Variants in ICMT observed in about 807,000 individuals in gnomAD.
ICMT encodes protein-S-isoprenylcysteine O-methyltransferase.
In ICMT, 10 loss-of-function variants were observed where a neutral mutation model predicts 32.2. The ratio of observed to expected loss-of-function variants is 0.31; its 90% CI spans 0.19 to 0.53. The LOEUF is 0.53. ICMT is among the 20% of genes least tolerant of loss of function. The pLI is 0.96. For missense variants in ICMT, 265 were observed against 356.9 expected (o/e 0.74, Z 2.07); for synonymous variants, 183 against 158.2 (o/e 1.16, Z -1.18).
Position 6,233,044 on chromosome 1 carries a change from C to T in ICMT, c.454+430G>A, listed in dbSNP as rs142142039. ...GGCTTTTTTGTATTTTTAGTAGAGA[C>T]GGGGTTTCACCATATTGGCCAGGCT... On this transcript the variant is annotated intron_variant, in intron 3 of 4. Coordinates refer to ENST00000343813, the MANE Select transcript of ICMT (RefSeq NM_012405.4). 6.7e-4 allele frequency among the ~76,000 whole-genome samples: 102 copies of T among 151,970 alleles called. 1 individual carries two copies. The East Asian group carries it at 0.019, about 28-fold the overall frequency.
intron 4 of ICMT, 127 bp downstream of exon 4, chr1:6,231,775 C>G: frequency 1.6e-6 from 1 of 625,470 alleles, no homozygotes; most frequent in Non-Finnish European, 2.7e-6. Context: ...CCAACAACCT[C>G]ATGAATACAC....
In ICMT at chr1:6,224,327, C is replaced by T. The variant is rs1020482036; in HGVS notation, c.*753G>A. 6.6e-6 allele frequency: 1 copy of T among 152,150 alleles called. No individual in the cohort carries two copies. The highest frequency in any genetic ancestry group is 2.4e-5 in the African/African-American group (1 of 41,418). The allele number at this position is 152,150 out of a possible 1,614,324, so 9.4% of individuals were successfully genotyped here. A position where few individuals can be genotyped will look rare whatever the true frequency, so the allele number is the denominator to read the frequency against. On this transcript the variant is annotated 3_prime_UTR_variant, in exon 5 of 5. Transcript: ENST00000343813. ...CACTGACAACAGGAGCTGAGACCCCCGGGAAAGCCAGCCAGGGCCATGATC... is the reference window on the plus strand; with the variant it reads ...CACTGACAACAGGAGCTGAGACCCCTGGGAAAGCCAGCCAGGGCCATGATC...
intron 2 of ICMT, 109 bp downstream of exon 2, chr1:6,234,777 A>G: frequency 1.2e-6 from 1 of 844,158 alleles, no homozygotes. Context: ...GAGAACCCTG[A>G]ACAGCCTTCT....
chr1:6,233,675 G>T (rs555550881), intron 2 of ICMT, 32 bp from the exon 3 acceptor site: 1 of 1,584,920 alleles, frequency 6.3e-7, no homozygotes, highest in Admixed American at 1.7e-5. Context: ...GTTAAGTTGG[G>T]ACAAGAGAAC....
At position 6,232,134 on chromosome 1, in the gene ICMT, C is replaced by T; in HGVS notation, c.455-15G>A. On this transcript the variant is annotated splice_polypyrimidine_tract_variant and intron_variant, in intron 3 of 4. Transcript: ENST00000343813. Reference sequence around the variant, plus strand: ...CTGCTTCAGTTCTGTGGGAGAGAGACATCAACGACACACGGGGAGTGAAAA... The same window carrying T: ...CTGCTTCAGTTCTGTGGGAGAGAGATATCAACGACACACGGGGAGTGAAAA... 1 of 1,599,290 alleles carries T rather than the reference C, an allele frequency of 6.3e-7. No homozygotes were observed. The highest frequency in any genetic ancestry group is 8.6e-7 in the Non-Finnish European group (1 of 1,167,924).
At chr1:6,233,791 C>A (rs1668773195) in intron 2 of ICMT, 148 bp from the exon 3 acceptor site, 1 of 610,488 alleles carries the variant, frequency 1.6e-6, no homozygotes, top group Non-Finnish European at 2.8e-6. Context: ...TCTGCAGCAT[C>A]TACTACCTCA....
At chr1:6,231,716 A>T (rs919772624) in intron 4 of ICMT, among the ~76,000 whole-genome samples, 186 bp downstream of exon 4, 8 of 152,172 alleles carry the variant, frequency 5.3e-5, no homozygotes, top group African/African-American at 1.9e-4. Context: ...TTATTAAATT[A>T]TCACTTGAAA....
Position 6,233,614 on chromosome 1 carries a change from T to A in ICMT, c.314A>T (p.Tyr105Phe), listed in dbSNP as rs200236217. The change falls in exon 3 of 5, where the codon TAT becomes TTT. Residue 105 changes from tyrosine to phenylalanine, a missense_variant. Coordinates refer to ENST00000343813, the MANE Select transcript of ICMT (RefSeq NM_012405.4). ...WYMCSLSLFH[Y>F]SEYLVTAVNN... ...GACTGCTGTCACCAAGTATTCAGAA[T>A]AGTGGAACAATGACAGGGAGCACAT... The A allele has an allele frequency of 8.6e-5, 139 of 1,613,236 alleles. 1 individual carries two copies. In the East Asian group the frequency reaches 2.3e-3, roughly 27 times the overall value.
In ICMT at chr1:6,225,174, G is replaced by A. The variant is rs537892201; in HGVS notation, c.761C>T (p.Ser254Leu). 2 of 1,614,132 alleles carry A rather than the reference G, an allele frequency of 1.2e-6. No homozygotes were observed. The highest frequency in any genetic ancestry group is 8.5e-7 in the Non-Finnish European group (1 of 1,180,016). Reference sequence around the variant, plus strand: ...CTCCTCTCCAAAAAAGTGAATTAGTGAGATTTCTTCTTCTTCTGTTCGATC... The same window carrying A: ...CTCCTCTCCAAAAAAGTGAATTAGTAAGATTTCTTCTTCTTCTGTTCGATC... ...FRDRTEEEEISLIHFFGEEYL... is the reference protein window; with the variant it reads ...FRDRTEEEEILLIHFFGEEYL... Residue 254 changes from serine to leucine, a missense_variant, in exon 5 of 5, where the codon TCA becomes TTA. Physicochemically the swap from Ser to Leu is moderately radical, Grantham distance 145. Coordinates refer to ENST00000343813, the MANE Select transcript of ICMT (RefSeq NM_012405.4).
chr1:6,235,258 A>C (rs934879220), intron 1 of ICMT, among the ~76,000 whole-genome samples: 2 of 152,212 alleles, frequency 1.3e-5, no homozygotes, highest in Non-Finnish European at 2.9e-5. Context: ...CACGTAAAAC[A>C]CTTAAGACTA....
At chr1:6,228,865 T>G (rs970861995) in intron 4 of ICMT, among the ~76,000 whole-genome samples, 2 of 149,224 alleles carry the variant, frequency 1.3e-5, no homozygotes, top group Non-Finnish European at 3.0e-5. Context: ...CTACTAAACC[T>G]ACTAAAAATA....
intron 4 of ICMT, among the ~76,000 whole-genome samples, chr1:6,226,959 T>C (rs1668653942): frequency 6.6e-6 from 1 of 152,226 alleles, no homozygotes; most frequent in African/African-American, 2.4e-5. Flanking sequence ...CTCCGGGGCC[T>C]GTACCCTCAC....
At chr1:6,235,428 C>A (rs1243812190) in intron 1 of ICMT, among the ~76,000 whole-genome samples, 2 of 152,204 alleles carry the variant, frequency 1.3e-5, no homozygotes. Context: ...TGAGACAGGG[C>A]AGCAGGTAGG....
At chr1:6,233,958 C>G (rs956356881) in intron 2 of ICMT, among the ~76,000 whole-genome samples, 1 of 152,194 alleles carries the variant, frequency 6.6e-6, no homozygotes, top group African/African-American at 2.4e-5. Context: ...AAGCGATTCT[C>G]CTGCCTCAGC....
intron 4 of ICMT, among the ~76,000 whole-genome samples, chr1:6,226,632 G>A (rs1668649252): frequency 6.6e-6 from 1 of 152,170 alleles, no homozygotes; most frequent in African/African-American, 2.4e-5. Flanking sequence ...CTCTTATTGA[G>A]CACTTACTAT....
At chr1:6,225,328 GTCTGTC>G in intron 4 of ICMT, 66 bp from the exon 5 acceptor site, 1 of 1,473,958 alleles carries the variant, frequency 6.8e-7, no homozygotes, top group Admixed American at 1.8e-5. Flanking sequence ...TTTGGTAGGC[GTCTGTC>G]TCTAATACCC....
At chr1:6,232,499 T>G (rs1262329970) in intron 3 of ICMT, among the ~76,000 whole-genome samples, 1 of 152,212 alleles carries the variant, frequency 6.6e-6, no homozygotes. Flanking sequence ...CCACATGTAT[T>G]TCATTTCATT....
chr1:6,233,744 C>A, intron 2 of ICMT, 101 bp from the exon 3 acceptor site: 1 of 876,334 alleles, frequency 1.1e-6, no homozygotes. Flanking sequence ...CTATGAGGCC[C>A]TGTTCTCACC....
At chr1:6,229,781 A>AC (rs1557601939) in intron 4 of ICMT, among the ~76,000 whole-genome samples, 2 of 76,212 alleles carry the variant, frequency 2.6e-5, no homozygotes, top group African/African-American at 1.2e-4. Flanking sequence ...AAATAAAAAA[A>AC]ATACACACAC....
Sources: allele counts gnomAD v4.1 joint callset (sites outside exome capture counted in the v4.1 genomes callset), GRCh38; gene constraint gnomAD v4.1.1; transcripts MANE v1.5; gene names NCBI Gene and HGNC (gene_info 2026-07-23, HGNC 2026-07-21).